The following GRIN2B variants were observed in gnomAD, a reference collection of about 807,000 sequenced individuals.
GRIN2B encodes the protein glutamate ionotropic receptor NMDA type subunit 2B.
Under a neutral mutation model 114.5 loss-of-function variants are expected in GRIN2B, and 5 were observed. The ratio of observed to expected loss-of-function variants is 0.04; its 90% CI spans 0.02 to 0.09. The LOEUF (loss-of-function observed/expected upper bound fraction) is 0.09. Ranked by LOEUF, GRIN2B falls within the 10% of genes least tolerant of loss-of-function variation. The pLI, the probability that GRIN2B is intolerant of heterozygous loss-of-function variation, is 1.00. For synonymous variants in GRIN2B, 787 were observed against 745.1 expected, an observed-to-expected ratio of 1.06 and a Z score of -0.92; for missense variants, 1,108 against 1,943.5, an observed-to-expected ratio of 0.57 and a Z score of 8.08.
rs1948417220 is a variant in GRIN2B at position 13,551,846 on chromosome 12, G to A, written c.*10937C>T. The A allele has an allele frequency of 6.6e-6, 1 of 152,146 alleles. No individual in the cohort carries two copies. Among genetic ancestry groups the A allele is most frequent in the Admixed American group, 6.6e-5 (1 of 15,266 alleles). The allele number at this position is 152,146 out of a possible 1,614,324, so 9.4% of individuals were successfully genotyped here. ...GGTTCTTATGTCATGGTCAAAGGGA[G>A]CATTAAAATAGCCATGGATTTCAAA... On this transcript the variant is annotated 3_prime_UTR_variant, in exon 14 of 14. Transcript: ENST00000609686.
chr12:13,925,559 A>G (rs1866898096), intron 2 of GRIN2B, among the ~76,000 whole-genome samples: 1 of 152,122 alleles, frequency 6.6e-6, no homozygotes, highest in African/African-American at 2.4e-5. Flanking sequence ...CTCTCCCTGG[A>G]CAGTGGCACC....
At chr12:13,702,599 C>CG (rs1555123792) in intron 4 of GRIN2B, among the ~76,000 whole-genome samples, 50 of 152,020 alleles carry the variant, frequency 3.3e-4, no homozygotes, top group Non-Finnish European at 2.8e-4. Context: ...ATCCGCCCTC[C>CG]GGGGGGTCCA....
intron 3 of GRIN2B, among the ~76,000 whole-genome samples, chr12:13,786,322 C>G (rs1435759435): frequency 6.6e-6 from 1 of 152,108 alleles, no homozygotes; most frequent in African/African-American, 2.4e-5. Flanking sequence ...CCCAGTAACC[C>G]TGTTAATATA....
intron 2 of GRIN2B, among the ~76,000 whole-genome samples, chr12:13,943,840 A>T (rs970643924): frequency 3.3e-5 from 5 of 152,074 alleles, no homozygotes; most frequent in African/African-American, 1.2e-4. Context: ...CTCGTCTATG[A>T]TCATATTTGC....
At chr12:13,707,861 C>T (rs1007406775) in intron 4 of GRIN2B, among the ~76,000 whole-genome samples, 4 of 152,056 alleles carry the variant, frequency 2.6e-5, no homozygotes, top group African/African-American at 7.2e-5. Flanking sequence ...ATTTGTAACA[C>T]GTAAAATATA....
chr12:13,710,652 C>T (rs929760715), intron 4 of GRIN2B, among the ~76,000 whole-genome samples: 8 of 152,034 alleles, frequency 5.3e-5, no homozygotes, highest in African/African-American at 1.9e-4. Context: ...GAATAAAATA[C>T]CTAGGAATCC....
chr12:13,778,764 A>G (rs1864052376), intron 3 of GRIN2B, among the ~76,000 whole-genome samples: 1 of 152,154 alleles, frequency 6.6e-6, no homozygotes, highest in South Asian at 2.1e-4. Flanking sequence ...TGAAACCCGT[A>G]CTTTTAAGTA....
intron 13 of GRIN2B, among the ~76,000 whole-genome samples, chr12:13,566,596 AAAC>A (rs1188965380): frequency 6.6e-6 from 1 of 152,262 alleles, no homozygotes; most frequent in South Asian, 2.1e-4. Context: ...ACATAGAGTG[AAAC>A]AACTAATAAT....
chr12:13,947,541 G>A (rs575944424), intron 2 of GRIN2B, among the ~76,000 whole-genome samples: 66 of 152,256 alleles, frequency 4.3e-4, no homozygotes, highest in African/African-American at 1.3e-3. Flanking sequence ...GCCCATATAC[G>A]TGGTTTTCCC....
chr12:13,631,944 A>T (rs901958148), intron 5 of GRIN2B, among the ~76,000 whole-genome samples: 1 of 152,264 alleles, frequency 6.6e-6, no homozygotes, highest in Admixed American at 6.5e-5. Context: ...GATGTCTGAC[A>T]TCGAGAATTA....
chr12:13,686,145 TA>T (rs1266947347), intron 4 of GRIN2B, among the ~76,000 whole-genome samples: 2 of 152,202 alleles, frequency 1.3e-5, no homozygotes, highest in Non-Finnish European at 2.9e-5. Flanking sequence ...TCTAACGCAG[TA>T]CATTATGGCA....
At chr12:13,811,766 T>C (rs1017338130) in intron 3 of GRIN2B, among the ~76,000 whole-genome samples, 1 of 152,186 alleles carries the variant, frequency 6.6e-6, no homozygotes, top group African/African-American at 2.4e-5. Flanking sequence ...ACAACTAACA[T>C]ACTAGCCTGA....
intron 4 of GRIN2B, among the ~76,000 whole-genome samples, chr12:13,696,836 C>T (rs921464070): frequency 6.6e-6 from 1 of 152,134 alleles, no homozygotes; most frequent in Non-Finnish European, 1.5e-5. Flanking sequence ...CAACAGATAA[C>T]TCCAAAACTT....
In GRIN2B at chr12:13,540,200, G is replaced by A. The variant is rs1384430724; in HGVS notation, c.*22583C>T. 4 of 152,042 alleles carry A rather than the reference G, an allele frequency of 2.6e-5. No individual in the cohort carries two copies. Among genetic ancestry groups the A allele is most frequent in the African/African-American group, 9.7e-5 (4 of 41,408 alleles). 9.4% of individuals were successfully genotyped at this position (152,042 alleles called of 1,614,324 possible). A position where few individuals can be genotyped will look rare whatever the true frequency, so the allele number is the denominator to read the frequency against. ...TCTTTTTGGAATCACAGTAAAGAAAGCACAAAGACCAAGAAAAAAACTCTG... is the reference window on the plus strand; with the variant it reads ...TCTTTTTGGAATCACAGTAAAGAAAACACAAAGACCAAGAAAAAAACTCTG... On this transcript the variant is annotated 3_prime_UTR_variant, in exon 14 of 14. Coordinates refer to ENST00000609686, the MANE Select transcript of GRIN2B (RefSeq NM_000834.5).
At chr12:13,627,603 C>A (rs1293945111) in intron 5 of GRIN2B, among the ~76,000 whole-genome samples, 2 of 152,188 alleles carry the variant, frequency 1.3e-5, no homozygotes, top group Non-Finnish European at 2.9e-5. Flanking sequence ...CATTTCCAAA[C>A]AAGTGTCTCT....
In GRIN2B at chr12:13,540,439, G is replaced by C. The variant is rs1948262414; in HGVS notation, c.*22344C>G. The C allele has an allele frequency of 6.6e-6, 1 of 151,496 alleles. No individual in the cohort carries two copies. The highest frequency in any genetic ancestry group is 1.5e-5 in the Non-Finnish European group (1 of 67,928). 9.4% of individuals were successfully genotyped at this position (151,496 alleles called of 1,614,324 possible). A position where few individuals can be genotyped will look rare whatever the true frequency, so the allele number is the denominator to read the frequency against. ...GCATCATTTGAACAAGTCCAAACTG[G>C]AAATCTATACAGCTCACAAAAAAGC... On this transcript the variant is annotated 3_prime_UTR_variant, in exon 14 of 14. Coordinates refer to ENST00000609686, the MANE Select transcript of GRIN2B (RefSeq NM_000834.5).
intron 3 of GRIN2B, among the ~76,000 whole-genome samples, chr12:13,828,641 C>T (rs2136700719): frequency 6.6e-6 from 1 of 152,262 alleles, no homozygotes; most frequent in South Asian, 2.1e-4. Flanking sequence ...CTAGAAAAAC[C>T]TTACTTTTCT....
intron 4 of GRIN2B, among the ~76,000 whole-genome samples, chr12:13,706,474 A>C (rs1950360949): frequency 1.3e-5 from 2 of 152,170 alleles, no homozygotes; most frequent in Non-Finnish European, 2.9e-5. Context: ...AGGTCAAAGT[A>C]GACTCACTAT....
At chr12:13,759,929 C>G (rs1863647579) in intron 3 of GRIN2B, among the ~76,000 whole-genome samples, 3 of 152,174 alleles carry the variant, frequency 2.0e-5, no homozygotes, top group African/African-American at 7.2e-5. Flanking sequence ...ATTCTTGCAC[C>G]AGGCCTTTGC....
Sources: allele counts gnomAD v4.1 joint callset (sites outside exome capture counted in the v4.1 genomes callset), GRCh38; gene constraint gnomAD v4.1.1; transcripts MANE v1.5; gene names NCBI Gene and HGNC (gene_info 2026-07-23, HGNC 2026-07-21).